Variants in GRSF1 observed in about 807,000 individuals in gnomAD.
The protein encoded by GRSF1 is G-rich sequence factor 1.
Under a neutral mutation model 51.1 loss-of-function variants are expected in GRSF1, and 50 were observed. The ratio of observed to expected loss-of-function variants is 0.98; its 90% CI spans 0.78 to 1.24. The LOEUF (loss-of-function observed/expected upper bound fraction) is 1.24. Ranked by LOEUF, GRSF1 falls within the 50% of genes most tolerant of loss-of-function variation. The pLI is 0.00. For missense variants in GRSF1, 700 were observed against 639.7 expected (o/e 1.09, Z -1.02); for synonymous variants, 293 against 253.3 (o/e 1.16, Z -1.49).
chr4:70,825,931 C>CAA, intron 7 of GRSF1, 193 bp downstream of exon 7: 3 of 519,176 alleles, frequency 5.8e-6, no homozygotes, highest in African/African-American at 2.0e-5. Flanking sequence ...GACTCTGTCA[C>CAA]AAAAAAAAGT....
upstream of GRSF1, among the ~76,000 whole-genome samples, chr4:70,841,585 A>C (rs1734459529): frequency 6.6e-6 from 1 of 152,258 alleles, no homozygotes; most frequent in South Asian, 2.1e-4. Flanking sequence ...AACACTTTTC[A>C]GTCTTGTTTC....
chr4:70,821,283 G>C (rs1733486369), intron 9 of GRSF1, among the ~76,000 whole-genome samples: 1 of 152,116 alleles, frequency 6.6e-6, no homozygotes. Flanking sequence ...AAATTAGCCG[G>C]GTGTGGTGGC....
chr4:70,832,464 A>T lies in GRSF1; in HGVS notation c.671-14T>A, dbSNP rs908851838. 1.3e-6 allele frequency: 2 copies of T among 1,564,494 alleles called. No homozygotes were observed. Among genetic ancestry groups the T allele is most frequent in the Non-Finnish European group, 1.8e-6 (2 of 1,138,022 alleles). On this transcript the variant is annotated splice_polypyrimidine_tract_variant and intron_variant, in intron 3 of 9. Coordinates refer to ENST00000254799, the MANE Select transcript of GRSF1 (RefSeq NM_002092.4). ...TTATCTCATATACTACGAAGAAAAA[A>T]CCCAACAGGGATGAAAAATTTACAT... is the stretch of plus-strand genomic sequence containing the variant.
Position 70,818,338 on chromosome 4 carries a change from AAAT to A in GRSF1, c.*2546_*2548del, listed in dbSNP as rs1733385297. The A allele has an allele frequency of 6.6e-6, 1 of 152,220 alleles. No homozygotes were observed. Among genetic ancestry groups the A allele is most frequent in the South Asian group, 2.1e-4 (1 of 4,830 alleles). 9.4% of individuals were successfully genotyped at this position (152,220 alleles called of 1,614,324 possible). ...ATGTAACCCCAAAAAATAACTTTCC[AAAT>A]GAGAACTGAGTAAGGGCTGTTCAGG... On this transcript the variant is annotated 3_prime_UTR_variant, in exon 10 of 10. Transcript: ENST00000254799.
intron 5 of GRSF1, 84 bp downstream of exon 5, chr4:70,831,454 AT>A: frequency 8.3e-7 from 1 of 1,210,008 alleles, no homozygotes; most frequent in Non-Finnish European, 1.2e-6. Context: ...CTATGTTTGG[AT>A]AACTTTTCAG....
intron 5 of GRSF1, among the ~76,000 whole-genome samples, chr4:70,830,166 ACCTGTAAT>A (rs1733901172): frequency 6.6e-6 from 1 of 152,136 alleles, no homozygotes; most frequent in Admixed American, 6.6e-5. Context: ...AGTGGCTCAC[ACCTGTAAT>A]CCTAGCGTTT....
At chr4:70,828,667 C>T (rs1483696295) in intron 5 of GRSF1, among the ~76,000 whole-genome samples, 1 of 151,896 alleles carries the variant, frequency 6.6e-6, no homozygotes, top group African/African-American at 2.4e-5. Flanking sequence ...CTCCTAGGCT[C>T]AAGTGATCCT....
upstream of GRSF1, among the ~76,000 whole-genome samples, chr4:70,842,787 A>G (rs1316991322): frequency 3.3e-5 from 5 of 152,192 alleles, no homozygotes; most frequent in Non-Finnish European, 5.9e-5. Context: ...TTGGAAACCT[A>G]AATAGACAGA....
chr4:70,836,710 T>C (rs530189864), intron 1 of GRSF1, among the ~76,000 whole-genome samples: 39 of 152,218 alleles, frequency 2.6e-4, no homozygotes, highest in African/African-American at 8.4e-4. Flanking sequence ...CAAGATGAGA[T>C]ACTGAGTGCT....
At chr4:70,837,482 T>C (rs1734261607) in intron 1 of GRSF1, among the ~76,000 whole-genome samples, 1 of 137,054 alleles carries the variant, frequency 7.3e-6, no homozygotes, top group Non-Finnish European at 1.5e-5. Flanking sequence ...GATAATCGCC[T>C]GAACCCGGGA....
At chr4:70,835,615 G>A (rs896616192) in intron 2 of GRSF1, among the ~76,000 whole-genome samples, 2 of 151,668 alleles carry the variant, frequency 1.3e-5, no homozygotes, top group Non-Finnish European at 2.9e-5. Context: ...GGTAATTTTT[G>A]TATTTTTAGT....
At chr4:70,839,210 C>G (rs1362211791) in intron 1 of GRSF1, 1 of 1,427,900 alleles carries the variant, frequency 7.0e-7, no homozygotes, top group Non-Finnish European at 9.3e-7. Flanking sequence ...CCTCAACATT[C>G]ACCCCAGCCA....
chr4:70,816,980 G>A lies in GRSF1; in HGVS notation c.*3907C>T, dbSNP rs1002036259. ...GGGAGAAAAGCCAAAATACAAAATA[G>A]CATGTACAGTATAATTTATATTTTT... is the stretch of plus-strand genomic sequence containing the variant. On this transcript the variant is annotated 3_prime_UTR_variant, in exon 10 of 10. Coordinates refer to ENST00000254799, the MANE Select transcript of GRSF1 (RefSeq NM_002092.4). 1.3e-5 allele frequency: 2 copies of A among 152,038 alleles called. No homozygotes were observed. The highest frequency in any genetic ancestry group is 2.4e-5 in the African/African-American group (1 of 41,390). The allele number at this position is 152,038 out of a possible 1,614,324, so 9.4% of individuals were successfully genotyped here.
Position 70,818,829 on chromosome 4 carries a change from T to C in GRSF1, c.*2058A>G, listed in dbSNP as rs1051081688. ...CAAACAGAAGGAAATTCACCATCACTGCTTCCTTCAATAGCAAAGAGTGAT... is the reference window on the plus strand; with the variant it reads ...CAAACAGAAGGAAATTCACCATCACCGCTTCCTTCAATAGCAAAGAGTGAT... On this transcript the variant is annotated 3_prime_UTR_variant, in exon 10 of 10. Coordinates refer to ENST00000254799, the MANE Select transcript of GRSF1 (RefSeq NM_002092.4). 7.2e-5 allele frequency: 11 copies of C among 152,216 alleles called. No individual in the cohort carries two copies. The highest frequency in any genetic ancestry group is 2.7e-4 in the African/African-American group (11 of 41,454). The allele number at this position is 152,216 out of a possible 1,614,324, so 9.4% of individuals were successfully genotyped here. A position where few individuals can be genotyped will look rare whatever the true frequency, so the allele number is the denominator to read the frequency against.
chr4:70,827,712 G>C (rs1733791837), intron 6 of GRSF1, 140 bp downstream of exon 6: 1 of 632,424 alleles, frequency 1.6e-6, no homozygotes, highest in Non-Finnish European at 2.8e-6. Context: ...CCAGGAGGTA[G>C]AGGCTGCAGT....
At chr4:70,827,418 TA>T (rs1484606223) in intron 6 of GRSF1, among the ~76,000 whole-genome samples, 1 of 152,206 alleles carries the variant, frequency 6.6e-6, no homozygotes, top group Non-Finnish European at 1.5e-5. Flanking sequence ...ATATAGTTAA[TA>T]AAAATGATTA....
At chr4:70,840,454 C>G (rs1734424605), upstream of GRSF1, among the ~76,000 whole-genome samples, 2 of 152,184 alleles carry the variant, frequency 1.3e-5, no homozygotes, top group South Asian at 4.2e-4. Context: ...GGTGAAATCC[C>G]GTCTCTACTA....
At position 70,826,135 on chromosome 4, in the gene GRSF1, C is replaced by T. The variant is rs1247509405; in HGVS notation, c.1246G>A (p.Asp416Asn). 6.2e-7 allele frequency: 1 copy of T among 1,610,930 alleles called. No homozygotes were observed. The highest frequency in any genetic ancestry group is 1.7e-5 in the Admixed American group (1 of 59,370). The change falls in exon 7 of 10, where the codon GAC becomes AAC. Residue 416 changes from aspartate to asparagine, a missense_variant. Physicochemically the swap from Asp to Asn is conservative, Grantham distance 23 (BLOSUM62 1). Transcript: ENST00000254799. ...TTACTGCCACACACGTTTATAATGT[C>T]TTGGGCATTGGCTTGGAAAGGTAAT... is the stretch of plus-strand genomic sequence containing the variant. ...RGLPFQANAQ[D>N]IINFFAPLKP...
chr4:70,839,403 G>A (rs1298152467), intron 1 of GRSF1, 68 bp downstream of exon 1: 3 of 1,506,842 alleles, frequency 2.0e-6, no homozygotes, highest in Non-Finnish European at 1.8e-6. Flanking sequence ...AGGGACGGAG[G>A]GGCGCGGGGG....
Sources: allele counts gnomAD v4.1 joint callset (sites outside exome capture counted in the v4.1 genomes callset), GRCh38; gene constraint gnomAD v4.1.1; transcripts MANE v1.5; gene names NCBI Gene and HGNC (gene_info 2026-07-23, HGNC 2026-07-21).